ADAMTS2: variants seen among roughly 807,000 people sequenced by gnomAD.
ADAMTS2 encodes A disintegrin and metalloproteinase with thrombospondin motifs 2.
In ADAMTS2, 50 loss-of-function variants were observed where a neutral mutation model predicts 123.0. That is an observed-to-expected ratio of 0.41 (90% confidence interval 0.32 to 0.51). The LOEUF is 0.51. Ranked by LOEUF, ADAMTS2 falls within the 20% of genes least tolerant of loss-of-function variation. ADAMTS2 has a pLI of 0.35. For missense variants in ADAMTS2, 1,494 were observed against 1,705.2 expected, an observed-to-expected ratio of 0.88 and a Z score of 2.18; for synonymous variants, 678 against 695.4, an observed-to-expected ratio of 0.98 and a Z score of 0.39.
chr5:179,245,787 A>C lies in ADAMTS2; in HGVS notation c.688+27124T>G, dbSNP rs28694182. 2.0e-3 allele frequency among the ~76,000 whole-genome samples: 154 copies of C among 76,168 alleles called. 3 individuals carry two copies. Among genetic ancestry groups the C allele is most frequent in the Middle Eastern group, 6.6e-3 (1 of 152 alleles). The allele number at this position is 76,168 out of a possible 152,430, so 50.0% of individuals were successfully genotyped here. On this transcript the variant is annotated intron_variant, in intron 3 of 21. Transcript: ENST00000251582. Reference sequence around the variant, plus strand: ...TCTCAAAAAAAAAAAAAAAAAAAAAAAAAAAAAACAAAAAAAACAAAGATG... The same window carrying C: ...TCTCAAAAAAAAAAAAAAAAAAAAACAAAAAAAACAAAAAAAACAAAGATG...
intron 2 of ADAMTS2, among the ~76,000 whole-genome samples, chr5:179,334,643 G>A (rs1757565659): frequency 6.6e-6 from 1 of 152,172 alleles, no homozygotes; most frequent in Admixed American, 6.5e-5. Flanking sequence ...GCAGATTGGA[G>A]ATGAGGATCC....
chr5:179,234,094 C>T lies in ADAMTS2; in HGVS notation c.689-26379G>A, dbSNP rs117815678. On this transcript the variant is annotated intron_variant, in intron 3 of 21. Coordinates refer to ENST00000251582, the MANE Select transcript of ADAMTS2 (RefSeq NM_014244.5). The surrounding 1 kb of genome is among the most constrained non-coding windows in gnomAD (Gnocchi z 4.7). ...ACTCCCCGTGGACTCTGCAGGTTTC[C>T]TAATGTCCTCCCAGTAACTCTTCCT... Among the ~76,000 whole-genome samples, 161 of 152,304 alleles carry T rather than the reference C, an allele frequency of 1.1e-3. No individual in the cohort carries two copies. The highest frequency in any genetic ancestry group is 7.1e-3 in the East Asian group (37 of 5,180).
chr5:179,333,160 C>A (rs917376836), intron 2 of ADAMTS2, among the ~76,000 whole-genome samples: 1 of 152,212 alleles, frequency 6.6e-6, no homozygotes, highest in Non-Finnish European at 1.5e-5. Flanking sequence ...CGGGCCATGC[C>A]CACTGGCCAT....
At chr5:179,221,368 G>A (rs1643811) in intron 3 of ADAMTS2, among the ~76,000 whole-genome samples, 56,194 of 152,050 alleles carry the variant, frequency 0.37, 11,019 homozygotes, top group East Asian at 0.73. Context: ...CAGCAGCCAA[G>A]AGGGAGCTGA....
chr5:179,177,164 A>G (rs1461346722), intron 5 of ADAMTS2, among the ~76,000 whole-genome samples: 3 of 152,192 alleles, frequency 2.0e-5, no homozygotes, highest in African/African-American at 7.2e-5. Flanking sequence ...TTCAAACAGT[A>G]TTTGTTAGAG....
chr5:179,123,116 G>C (rs1038146287), intron 19 of ADAMTS2, among the ~76,000 whole-genome samples: 1 of 152,260 alleles, frequency 6.6e-6, no homozygotes, highest in African/African-American at 2.4e-5. Context: ...TGTGCCCTGG[G>C]CAGGGGTTGA....
intron 5 of ADAMTS2, among the ~76,000 whole-genome samples, chr5:179,160,912 C>A (rs954663563): frequency 5.3e-5 from 8 of 152,170 alleles, no homozygotes; most frequent in African/African-American, 1.9e-4. Context: ...TGAGACCCTT[C>A]AGAGAGCTCT....
chr5:179,149,633 A>G lies in ADAMTS2; in HGVS notation c.1629+2509T>C, dbSNP rs546384601. ...CATGACCACTCAGGGTCCTTGCGGG[A>G]AAGGGTGGGAGAGAAGATGATTGCT... On this transcript the variant is annotated intron_variant, in intron 10 of 21. Coordinates refer to ENST00000251582, the MANE Select transcript of ADAMTS2 (RefSeq NM_014244.5). Among the ~76,000 whole-genome samples the G allele has an allele frequency of 8.0e-4, 122 of 152,340 alleles. 1 individual carries two copies. Among genetic ancestry groups the G allele is most frequent in the African/African-American group, 2.8e-3 (115 of 41,570 alleles).
chr5:179,134,398 C>A (rs1368693013), intron 13 of ADAMTS2, among the ~76,000 whole-genome samples: 2 of 152,246 alleles, frequency 1.3e-5, no homozygotes, highest in East Asian at 3.9e-4. Context: ...GATTCTTGCA[C>A]CCTAACTCAT....
At chr5:179,182,135 G>A (rs895376849) in intron 4 of ADAMTS2, among the ~76,000 whole-genome samples, 2 of 152,216 alleles carry the variant, frequency 1.3e-5, no homozygotes, top group Non-Finnish European at 2.9e-5. Flanking sequence ...CCCTCATCAA[G>A]CACAAGGTGT....
intron 2 of ADAMTS2, among the ~76,000 whole-genome samples, chr5:179,276,431 C>G (rs11249621): frequency 0.28 from 42,156 of 152,146 alleles, 6,893 homozygotes; most frequent in Admixed American, 0.36. Flanking sequence ...GAAGTTCTGA[C>G]TTCCTGGCAC....
rs1222617253 is a variant in ADAMTS2 at position 179,130,752 on chromosome 5, C to T, written c.2291-654G>A. 6.6e-6 allele frequency among the ~76,000 whole-genome samples: 1 copy of T among 152,134 alleles called. No homozygotes were observed. Among genetic ancestry groups the T allele is most frequent in the Non-Finnish European group, 1.5e-5 (1 of 68,022 alleles). ...CAGCTGGGTGATGTGAGTGGGGCCG[C>T]AGACAGGGCACTAGTGAGAAAATCA... is the stretch of plus-strand genomic sequence containing the variant. On this transcript the variant is annotated intron_variant, in intron 15 of 21. Transcript: ENST00000251582. The surrounding 1 kb of genome is among the most constrained non-coding windows in gnomAD (Gnocchi z 4.3).
At chr5:179,251,337 A>C (rs1765919525) in intron 3 of ADAMTS2, among the ~76,000 whole-genome samples, 1 of 152,126 alleles carries the variant, frequency 6.6e-6, no homozygotes, top group South Asian at 2.1e-4. Context: ...CCTGATGGTG[A>C]CCTACTTCAG....
intron 3 of ADAMTS2, among the ~76,000 whole-genome samples, chr5:179,212,947 G>A (rs1235729324): frequency 6.6e-6 from 1 of 152,204 alleles, no homozygotes; most frequent in African/African-American, 2.4e-5. Context: ...CGCTGTGCTG[G>A]CCAAATTTAG....
At chr5:179,257,023 T>C (rs1281912885) in intron 3 of ADAMTS2, among the ~76,000 whole-genome samples, 1 of 151,998 alleles carries the variant, frequency 6.6e-6, no homozygotes, top group Non-Finnish European at 1.5e-5. Context: ...ATCACTGGGG[T>C]CACCACAGCC....
intron 10 of ADAMTS2, among the ~76,000 whole-genome samples, chr5:179,142,936 C>T (rs546813063): frequency 6.6e-6 from 1 of 152,138 alleles, no homozygotes; most frequent in African/African-American, 2.4e-5. Context: ...GAAAGTGTGA[C>T]CCATACGCAG....
chr5:179,280,129 A>G (rs1467019880), intron 2 of ADAMTS2, among the ~76,000 whole-genome samples: 1 of 152,056 alleles, frequency 6.6e-6, no homozygotes, highest in Non-Finnish European at 1.5e-5. Context: ...TTGCTTGGCC[A>G]CTCTAACCTT....
At chr5:179,341,554 T>TA (rs1248546490) in intron 2 of ADAMTS2, among the ~76,000 whole-genome samples, 10 of 146,084 alleles carry the variant, frequency 6.8e-5, no homozygotes, top group African/African-American at 1.3e-4. Flanking sequence ...AAAAAAAAAA[T>TA]AAAAAAAAAT....
chr5:179,318,090 C>A (rs1435663569), intron 2 of ADAMTS2, among the ~76,000 whole-genome samples: 1 of 152,172 alleles, frequency 6.6e-6, no homozygotes, highest in South Asian at 2.1e-4. Context: ...GCAAAGAGGC[C>A]CCCCTTGGAC....
Sources: gnomAD v4.1 joint callset for allele counts (sites outside exome capture counted in the v4.1 genomes callset) on GRCh38, gnomAD v4.1.1 for gene constraint, Gnocchi (gnomAD v3.1) non-coding constraint, MANE v1.5 for transcripts, NCBI Gene and HGNC (gene_info 2026-07-23, HGNC 2026-07-21) for gene names.